The following PSMA3 variants were observed in gnomAD, a reference collection of about 807,000 sequenced individuals.
PSMA3 encodes proteasome 20S subunit alpha 3.
In PSMA3, 8 loss-of-function variants were observed where a neutral mutation model predicts 40.0. That is an observed-to-expected ratio of 0.20 (90% CI 0.12 to 0.36). PSMA3 has a LOEUF of 0.36. Ranked by LOEUF, PSMA3 falls within the 10% of genes least tolerant of loss-of-function variation. PSMA3 has a pLI of 1.00. For synonymous variants in PSMA3, 110 were observed against 100.0 expected (o/e 1.10, Z -0.59); for missense variants, 219 against 310.6 (o/e 0.70, Z 2.22).
At chr14:58,255,846 G>GC (rs2140085228) in intron 3 of PSMA3, among the ~76,000 whole-genome samples, 1 of 152,258 alleles carries the variant, frequency 6.6e-6, no homozygotes, top group Admixed American at 6.5e-5. Flanking sequence ...CATAGTAACT[G>GC]CAATTCTGTT....
intron 6 of PSMA3, among the ~76,000 whole-genome samples, chr14:58,262,290 C>T (rs1381684304): frequency 6.6e-6 from 1 of 152,082 alleles, no homozygotes; most frequent in Non-Finnish European, 1.5e-5. Flanking sequence ...GGCGCCAAAC[C>T]TCCACCTCCC....
rs186775417 is a variant in PSMA3, at chr14:58,256,476, G to A, written c.229-1269G>A. ...GTTGCCCAGGATGGAGTGCAGTGGC[G>A]CGATCTCGGCTCACTGCAACTTCCG... On this transcript the variant is annotated intron_variant, in intron 3 of 10. Transcript: ENST00000216455. Among the ~76,000 whole-genome samples the A allele has an allele frequency of 4.8e-3, 710 of 148,290 alleles. 4 individuals carry two copies. Among genetic ancestry groups the A allele is most frequent in the African/African-American group, 0.016 (654 of 40,038 alleles).
rs781137009 is a variant in PSMA3 at position 58,244,886 on chromosome 14, C to G, written c.-35C>G. Reference sequence around the variant, plus strand: ...GTGGTATAGGGGAAGCGCTCCGGGCCTGGAATCCCTACGCGTCCCTTTGGG... The same window carrying G: ...GTGGTATAGGGGAAGCGCTCCGGGCGTGGAATCCCTACGCGTCCCTTTGGG... On this transcript the variant is annotated 5_prime_UTR_variant, in exon 1 of 11. Transcript: ENST00000216455. 4.3e-6 allele frequency: 7 copies of G among 1,614,170 alleles called. No individual in the cohort carries two copies. Among genetic ancestry groups the G allele is most frequent in the Non-Finnish European group, 5.1e-6 (6 of 1,180,008 alleles).
chr14:58,251,313 T>A (rs1390790475), intron 2 of PSMA3, among the ~76,000 whole-genome samples: 1 of 152,212 alleles, frequency 6.6e-6, no homozygotes, highest in East Asian at 1.9e-4. Context: ...TGAGACAGGG[T>A]CTCACTCTGT....
intron 8 of PSMA3, among the ~76,000 whole-genome samples, chr14:58,268,401 G>A (rs1208654635): frequency 6.6e-6 from 1 of 152,088 alleles, no homozygotes; most frequent in East Asian, 1.9e-4. Context: ...GGGCTCTATT[G>A]TTTAATAAAC....
chr14:58,254,085 C>T (rs1272255300), intron 3 of PSMA3, among the ~76,000 whole-genome samples: 2 of 151,488 alleles, frequency 1.3e-5, no homozygotes, highest in Non-Finnish European at 2.9e-5. Flanking sequence ...GCCCCATTGT[C>T]TGTTGTTCCT....
chr14:58,271,588 C>G (rs1384484296), intron 10 of PSMA3, among the ~76,000 whole-genome samples: 2 of 152,038 alleles, frequency 1.3e-5, no homozygotes, highest in African/African-American at 4.8e-5. Flanking sequence ...CCTACTTTGG[C>G]CCCCGTAAAG....
At chr14:58,265,643 GTTCTC>G (rs771207981) in intron 7 of PSMA3, 12 of 152,152 alleles carry the variant, frequency 7.9e-5, no homozygotes, top group Non-Finnish European at 1.5e-4. Flanking sequence ...CTGTACCATT[GTTCTC>G]TTCTGATGGT....
intron 1 of PSMA3, chr14:58,245,169 T>G (rs2140075292): frequency 3.5e-6 from 2 of 567,818 alleles, no homozygotes; most frequent in Non-Finnish European, 6.3e-6. Flanking sequence ...GTAGCCGGCT[T>G]GGCGTCGCCG....
chr14:58,252,326 CA>C, intron 3 of PSMA3, 84 bp downstream of exon 3: 1 of 1,476,116 alleles, frequency 6.8e-7, no homozygotes, highest in Non-Finnish European at 9.1e-7. Flanking sequence ...TGTGCAGTCA[CA>C]AAAGTAATCA....
At chr14:58,267,593 C>T (rs537138104) in intron 8 of PSMA3, 73 bp downstream of exon 8, 38 of 1,376,232 alleles carry the variant, frequency 2.8e-5, no homozygotes, top group South Asian at 2.2e-4. Context: ...TACATTAATC[C>T]TAAGAAGCTG....
intron 3 of PSMA3, among the ~76,000 whole-genome samples, chr14:58,253,656 C>T (rs1260138402): frequency 2.6e-5 from 4 of 152,082 alleles, no homozygotes; most frequent in Admixed American, 6.5e-5. Flanking sequence ...TGCAATGGCG[C>T]GATCTCAGCT....
intron 5 of PSMA3, 111 bp from the exon 6 acceptor site, chr14:58,260,837 G>T: frequency 3.0e-6 from 2 of 671,258 alleles, no homozygotes. Context: ...AGTTATATGT[G>T]TATTAGTAAT....
chr14:58,245,239 C>T (rs1343358912), intron 1 of PSMA3: 1 of 414,924 alleles, frequency 2.4e-6, no homozygotes, highest in East Asian at 4.0e-5. Flanking sequence ...CTTAGGGAAA[C>T]CGAAAGTGGA....
intron 8 of PSMA3, 140 bp downstream of exon 8, chr14:58,267,660 G>T: frequency 8.0e-7 from 1 of 1,245,284 alleles, no homozygotes. Context: ...AACATTCTAA[G>T]AAGCCTCACG....
intron 1 of PSMA3, among the ~76,000 whole-genome samples, chr14:58,247,261 G>C (rs181788272): frequency 6.6e-6 from 1 of 152,106 alleles, no homozygotes; most frequent in Non-Finnish European, 1.5e-5. Flanking sequence ...ATTTACTGCT[G>C]TACCTCTAGC....
chr14:58,265,864 A>G (rs770752096), intron 7 of PSMA3: 1 of 152,180 alleles, frequency 6.6e-6, no homozygotes, highest in Non-Finnish European at 1.5e-5. Context: ...TAAGCTTACA[A>G]CAAACCTATC....
intron 6 of PSMA3, among the ~76,000 whole-genome samples, chr14:58,262,397 G>A (rs1191938433): frequency 6.6e-6 from 1 of 152,040 alleles, no homozygotes; most frequent in Non-Finnish European, 1.5e-5. Context: ...GTAGAGACGA[G>A]GTTTCACCAT....
intron 6 of PSMA3, among the ~76,000 whole-genome samples, chr14:58,262,122 G>T (rs1349135325): frequency 6.6e-6 from 1 of 152,032 alleles, no homozygotes; most frequent in Non-Finnish European, 1.5e-5. Context: ...TACAGATGGG[G>T]TTTTGCCATG....
Sources: allele counts gnomAD v4.1 joint callset (sites outside exome capture counted in the v4.1 genomes callset), GRCh38; gene constraint gnomAD v4.1.1; transcripts MANE v1.5; gene names NCBI Gene and HGNC (gene_info 2026-07-23, HGNC 2026-07-21).